FBLN2: variants seen among roughly 807,000 people sequenced by gnomAD.
The protein encoded by FBLN2 is fibulin-2.
A neutral mutation model predicts 123.7 loss-of-function variants in FBLN2; 81 were observed. The ratio of observed to expected loss-of-function variants is 0.65; its 90% CI spans 0.55 to 0.79. The LOEUF is 0.79. Among genes scored for constraint, FBLN2 ranks in the 30% least tolerant of loss-of-function variants. The pLI is 0.00. For synonymous variants in FBLN2, 699 were observed against 701.4 expected (o/e 1.00, Z 0.05); for missense variants, 1,603 against 1,681.3 (o/e 0.95, Z 0.81).
intron 2 of FBLN2, among the ~76,000 whole-genome samples, chr3:13,590,577 C>T (rs1243042286): frequency 1.3e-5 from 2 of 152,190 alleles, no homozygotes; most frequent in Admixed American, 6.5e-5. Context: ...CTACCTGCCT[C>T]AGCCTCCCAA....
chr3:13,589,660 G>A (rs548532175), intron 2 of FBLN2, among the ~76,000 whole-genome samples: 1 of 152,218 alleles, frequency 6.6e-6, no homozygotes, highest in African/African-American at 2.4e-5. Flanking sequence ...CTAAAAAATA[G>A]CGATATTCTC....
intron 2 of FBLN2, among the ~76,000 whole-genome samples, chr3:13,577,470 A>AT (rs1704188074): frequency 1.3e-5 from 2 of 152,188 alleles, no homozygotes; most frequent in African/African-American, 4.8e-5. Context: ...CAGGCTGTCC[A>AT]GGGCCTGTGG....
At chr3:13,632,232 A>T (rs577228708) in intron 16 of FBLN2, among the ~76,000 whole-genome samples, 2 of 152,240 alleles carry the variant, frequency 1.3e-5, no homozygotes, top group East Asian at 3.9e-4. Context: ...AGAACCAACC[A>T]CTCAGCCCCA....
intron 4 of FBLN2, among the ~76,000 whole-genome samples, chr3:13,612,294 C>CCTTTCTTTCTTTCT (rs1705419445): frequency 8.5e-6 from 1 of 117,284 alleles, no homozygotes; most frequent in Non-Finnish European, 1.7e-5. Flanking sequence ...CTTTTATTTT[C>CCTTTCTTTCTTTCT]CTTTCTTTCT....
chr3:13,571,973 G>T (rs1460479680), intron 2 of FBLN2, among the ~76,000 whole-genome samples: 1 of 152,170 alleles, frequency 6.6e-6, no homozygotes, highest in Non-Finnish European at 1.5e-5. Context: ...GGGCCCTGAG[G>T]AGGGTTCCTG....
At chr3:13,635,805 C>A (rs1446435223) in intron 16 of FBLN2, among the ~76,000 whole-genome samples, 1 of 152,224 alleles carries the variant, frequency 6.6e-6, no homozygotes, top group Non-Finnish European at 1.5e-5. Context: ...CCCTGCCCTC[C>A]TGGAGCCCAG....
chr3:13,555,211 C>T (rs1399846744), intron 1 of FBLN2, among the ~76,000 whole-genome samples: 1 of 152,070 alleles, frequency 6.6e-6, no homozygotes, highest in South Asian at 2.1e-4. Flanking sequence ...CTTGGCCTCC[C>T]AAAGTGCTGG....
chr3:13,622,272 AC>A (rs1211557258), intron 9 of FBLN2, among the ~76,000 whole-genome samples: 1 of 151,418 alleles, frequency 6.6e-6, no homozygotes. Context: ...GCCAAGCAGG[AC>A]CCCCAGAAGC....
At chr3:13,637,517 G>T (rs1172834641) in intron 17 of FBLN2, 45 bp from the exon 18 acceptor site, 2 of 1,508,200 alleles carry the variant, frequency 1.3e-6, no homozygotes, top group East Asian at 2.4e-5. Flanking sequence ...CTGGGGATGA[G>T]GGGGGTGGGC....
chr3:13,592,443 G>A (rs947381208), intron 2 of FBLN2, among the ~76,000 whole-genome samples: 2 of 152,090 alleles, frequency 1.3e-5, no homozygotes, highest in African/African-American at 2.4e-5. Flanking sequence ...GTTTTCCAGC[G>A]TTGTTCTTCT....
At chr3:13,598,566 T>C (rs1704922714) in intron 2 of FBLN2, among the ~76,000 whole-genome samples, 1 of 152,212 alleles carries the variant, frequency 6.6e-6, no homozygotes, top group Non-Finnish European at 1.5e-5. Flanking sequence ...CTTAAACTCT[T>C]AGAACCTCTT....
intron 2 of FBLN2, among the ~76,000 whole-genome samples, chr3:13,601,752 A>G (rs145847646): frequency 3.3e-5 from 5 of 152,362 alleles, no homozygotes; most frequent in African/African-American, 7.2e-5. Flanking sequence ...GGACTGAGAA[A>G]GTAAACTCAT....
chr3:13,597,690 G>A (rs558431690), intron 2 of FBLN2, among the ~76,000 whole-genome samples: 3 of 152,344 alleles, frequency 2.0e-5, no homozygotes, highest in Admixed American at 6.5e-5. Context: ...ACTCAGGGTC[G>A]TGGGTGTGGC....
rs867876704 is a variant in FBLN2, at chr3:13,637,779, A to G, written c.3556A>G (p.Thr1186Ala). Residue 1186 changes from threonine to alanine, a missense_variant, in exon 18 of 18, where the codon ACG (threonine) becomes GCG (alanine). By Grantham distance (58) the Thr-to-Ala change is moderately conservative. Transcript: ENST00000404922. ...TGGCACGCGCAGGCTCAATGCCTAC[A>G]CGGGTGTGGTCTACCTGCAGCGGGC... is the stretch of plus-strand genomic sequence containing the variant. The part of the protein sequence containing the change: ...YFGTRRLNAY[T>A]GVVYLQRAVL... The G allele has an allele frequency of 1.9e-6, 3 of 1,613,898 alleles. No individual in the cohort carries two copies. The highest frequency in any genetic ancestry group is 2.5e-6 in the Non-Finnish European group (3 of 1,179,820).
Position 13,622,055 on chromosome 3 carries a change from A to G in FBLN2, c.2296+140A>G, listed in dbSNP as rs943903621. On this transcript the variant is annotated intron_variant, in intron 9 of 17. Coordinates refer to ENST00000404922, the MANE Select transcript of FBLN2 (RefSeq NM_001004019.2). The stretch of plus-strand genomic sequence containing the variant: ...AGCACAGCCGGCATCTCCGTGCTCT[A>G]TGTCGTGCCCTTGTGTCCTGGCGTC... 5 of 1,038,908 alleles carry G rather than the reference A, an allele frequency of 4.8e-6. No individual in the cohort carries two copies. The African/African-American group carries it at 4.8e-5, about 10-fold the overall frequency. 64.4% of individuals were successfully genotyped at this position (1,038,908 alleles called of 1,614,324 possible).
chr3:13,628,282 A>G (rs1706120745), intron 11 of FBLN2, among the ~76,000 whole-genome samples: 2 of 152,132 alleles, frequency 1.3e-5, no homozygotes, highest in African/African-American at 4.8e-5. Context: ...ACCAGTCAGC[A>G]GTGGCTATGT....
chr3:13,560,932 G>A (rs1363677186), intron 1 of FBLN2, among the ~76,000 whole-genome samples: 2 of 151,894 alleles, frequency 1.3e-5, no homozygotes, highest in East Asian at 3.9e-4. Context: ...TCCCGCCTCA[G>A]CCTCCCAAGT....
intron 4 of FBLN2, 50 bp downstream of exon 4, chr3:13,609,692 G>GGGGGGGGGGGGGGGGGGGGGGGT: frequency 2.0e-6 from 1 of 508,394 alleles, no homozygotes; most frequent in Non-Finnish European, 3.8e-6. Flanking sequence ...GGCGGGGCGG[G>GGGGGGGGGGGGGGGGGGGGGGGT]AGGCTGGCCT....
chr3:13,608,884 TA>T (rs11289940), intron 3 of FBLN2, among the ~76,000 whole-genome samples: 23,279 of 152,108 alleles, frequency 0.15, 2,407 homozygotes, highest in African/African-American at 0.29. Flanking sequence ...CTGCTTCCTA[TA>T]AAAAAAATTT....
Sources: gnomAD v4.1 joint callset for allele counts (sites outside exome capture counted in the v4.1 genomes callset) on GRCh38, gnomAD v4.1.1 for gene constraint, MANE v1.5 for transcripts, NCBI Gene and HGNC (gene_info 2026-07-23, HGNC 2026-07-21) for gene names.